Variants in SPIDR observed in about 807,000 individuals in gnomAD.
The protein encoded by SPIDR is DNA repair-scaffolding protein.
A neutral mutation model predicts 104.6 loss-of-function variants in SPIDR; 93 were observed. The observed-to-expected ratio is 0.89, with a 90% CI of 0.75 to 1.06. The LOEUF (loss-of-function observed/expected upper bound fraction) is 1.06. SPIDR is among the 50% of genes least tolerant of loss of function. SPIDR has a pLI of 0.00. For synonymous variants in SPIDR, 431 were observed against 416.9 expected, an observed-to-expected ratio of 1.03 and a Z score of -0.41; for missense variants, 1,154 against 1,111.2, an observed-to-expected ratio of 1.04 and a Z score of -0.55.
intron 8 of SPIDR, among the ~76,000 whole-genome samples, chr8:47,564,285 G>A (rs1185233258): frequency 6.6e-6 from 1 of 151,782 alleles, no homozygotes; most frequent in Non-Finnish European, 1.5e-5. Flanking sequence ...CGCCATATTG[G>A]CCAGGATGGT....
intron 19 of SPIDR, among the ~76,000 whole-genome samples, chr8:47,731,359 T>C (rs2085201725): frequency 6.6e-6 from 1 of 152,198 alleles, no homozygotes; most frequent in African/African-American, 2.4e-5. Flanking sequence ...CCTGAGCTGC[T>C]GCACACAGGG....
At chr8:47,494,498 T>C (rs1384420257) in intron 8 of SPIDR, among the ~76,000 whole-genome samples, 1 of 152,172 alleles carries the variant, frequency 6.6e-6, no homozygotes, top group Non-Finnish European at 1.5e-5. Flanking sequence ...TTACACTGAA[T>C]GAACGGTTTG....
intron 8 of SPIDR, among the ~76,000 whole-genome samples, chr8:47,503,699 C>T (rs1191620506): frequency 6.6e-6 from 1 of 152,148 alleles, no homozygotes; most frequent in Non-Finnish European, 1.5e-5. Flanking sequence ...GGTTATTTTG[C>T]TCATTAGTTA....
At chr8:47,735,093 TGG>T (rs1276919230) in intron 19 of SPIDR, among the ~76,000 whole-genome samples, 6 of 147,264 alleles carry the variant, frequency 4.1e-5, no homozygotes, top group African/African-American at 1.0e-4. Context: ...AATGGGTGTG[TGG>T]GTGTGTGTGT....
intron 5 of SPIDR, among the ~76,000 whole-genome samples, chr8:47,363,240 C>CT (rs2056471980): frequency 1.8e-5 from 2 of 109,192 alleles, no homozygotes; most frequent in Non-Finnish European, 3.4e-5. Flanking sequence ...GAGTCTTGCT[C>CT]TGTCACCCAG....
rs560459081 is a variant in SPIDR, at chr8:47,344,258, G to A, written c.525+50228G>A. Among the ~76,000 whole-genome samples, 18 of 152,156 alleles carry A rather than the reference G, an allele frequency of 1.2e-4. No individual in the cohort carries two copies. In the East Asian group the frequency reaches 3.5e-3, roughly 30 times the overall value. On this transcript the variant is annotated intron_variant, in intron 5 of 19. Transcript: ENST00000297423. ...CTTGCGATAGTTTGTTCAGAATGAT[G>A]GTTTCCACCTTCATCCATGTCCCTA...
intron 5 of SPIDR, among the ~76,000 whole-genome samples, chr8:47,340,047 A>G (rs930287922): frequency 6.6e-6 from 1 of 152,116 alleles, no homozygotes; most frequent in Non-Finnish European, 1.5e-5. Flanking sequence ...CCATAAATGT[A>G]TTATAGATGT....
At chr8:47,461,160 A>T (rs1276300677) in intron 8 of SPIDR, among the ~76,000 whole-genome samples, 1 of 152,178 alleles carries the variant, frequency 6.6e-6, no homozygotes, top group African/African-American at 2.4e-5. Context: ...TGAATTTCCC[A>T]GATGTTCGTT....
intron 5 of SPIDR, among the ~76,000 whole-genome samples, chr8:47,349,569 C>G (rs2052992913): frequency 6.6e-6 from 1 of 152,224 alleles, no homozygotes; most frequent in African/African-American, 2.4e-5. Context: ...ATGCCCTGCC[C>G]CCAGAGGTGG....
chr8:47,483,580 A>G (rs1251264751), intron 8 of SPIDR, among the ~76,000 whole-genome samples: 3 of 152,246 alleles, frequency 2.0e-5, no homozygotes, highest in African/African-American at 7.2e-5. Flanking sequence ...GAGGGAGGTG[A>G]CTAAGAAGCT....
chr8:47,586,073 C>A (rs1302866960), intron 8 of SPIDR, among the ~76,000 whole-genome samples: 2 of 152,250 alleles, frequency 1.3e-5, no homozygotes, highest in Non-Finnish European at 1.5e-5. Flanking sequence ...TAGTCTGTTT[C>A]TTTTTATTGC....
Position 47,594,819 on chromosome 8 carries a change from C to A in SPIDR, c.1098-992C>A, listed in dbSNP as rs74899016. Among the ~76,000 whole-genome samples, 911 of 152,114 alleles carry A rather than the reference C, an allele frequency of 6.0e-3. 26 individuals carry two copies. The highest frequency in any genetic ancestry group is 0.054 in the East Asian group (277 of 5,170). On this transcript the variant is annotated intron_variant, in intron 8 of 19. Coordinates refer to ENST00000297423, the MANE Select transcript of SPIDR (RefSeq NM_001080394.4). ...GACCAATCTGGCCAACATGGCAAAA[C>A]CTTCTCTCTACTAAAAAACTAAAAA...
rs1207567730 is a variant in SPIDR, at chr8:47,451,650, G to C, written c.1097+11108G>C. Among the ~76,000 whole-genome samples, 3 of 151,686 alleles carry C rather than the reference G, an allele frequency of 2.0e-5. No homozygotes were observed. The East Asian group carries it at 5.8e-4, about 29-fold the overall frequency. On this transcript the variant is annotated intron_variant, in intron 8 of 19. Transcript: ENST00000297423. ...GAAGATTTGAGGAGGCAGAACACAG[G>C]CTCATTGAACTTGAAGAAAAGAAAA... is the stretch of plus-strand genomic sequence containing the variant.
At chr8:47,629,642 A>G (rs933173531) in intron 10 of SPIDR, among the ~76,000 whole-genome samples, 2 of 152,208 alleles carry the variant, frequency 1.3e-5, no homozygotes, top group African/African-American at 4.8e-5. Context: ...AATCCCAGCT[A>G]CTCAGGAGGC....
intron 5 of SPIDR, among the ~76,000 whole-genome samples, chr8:47,325,709 A>G (rs1330351353): frequency 6.6e-6 from 1 of 152,170 alleles, no homozygotes; most frequent in Non-Finnish European, 1.5e-5. Flanking sequence ...CATTCGAGAC[A>G]GAGTTATGTG....
At chr8:47,694,670 C>T (rs530764996) in intron 11 of SPIDR, among the ~76,000 whole-genome samples, 9 of 152,180 alleles carry the variant, frequency 5.9e-5, no homozygotes, top group African/African-American at 1.9e-4. Context: ...ACTTGGGAGG[C>T]TAAGGCCAGA....
At chr8:47,470,331 C>T (rs1279660104) in intron 8 of SPIDR, among the ~76,000 whole-genome samples, 1 of 152,102 alleles carries the variant, frequency 6.6e-6, no homozygotes. Flanking sequence ...CTCTGCCGTC[C>T]AGCCTGGAGT....
At chr8:47,511,400 C>CCAAA in intron 8 of SPIDR, 1 of 851,556 alleles carries the variant, frequency 1.2e-6, no homozygotes, top group Non-Finnish European at 2.1e-6. Flanking sequence ...GCTTTGAAGG[C>CCAAA]TTATTTGGAC....
chr8:47,652,421 G>C (rs1481652587), intron 10 of SPIDR, among the ~76,000 whole-genome samples: 1 of 152,224 alleles, frequency 6.6e-6, no homozygotes. Context: ...GCAGGCAGCA[G>C]GAGGATGTCA....
Sources: gnomAD v4.1 joint callset for allele counts (sites outside exome capture counted in the v4.1 genomes callset) on GRCh38, gnomAD v4.1.1 for gene constraint, MANE v1.5 for transcripts, NCBI Gene and HGNC (gene_info 2026-07-23, HGNC 2026-07-21) for gene names.